ARHGEF18: variants seen among roughly 807,000 people sequenced by gnomAD.
The protein encoded by ARHGEF18 is Rho/Rac guanine nucleotide exchange factor 18.
Under a neutral mutation model 155.7 loss-of-function variants are expected in ARHGEF18, and 93 were observed. The ratio of observed to expected loss-of-function variants is 0.60; its 90% CI spans 0.50 to 0.71. The LOEUF (loss-of-function observed/expected upper bound fraction) is 0.71, where lower values mean the gene tolerates loss of function less well. ARHGEF18 is among the 30% of genes least tolerant of loss of function. The pLI is 0.00. For synonymous variants in ARHGEF18, 742 were observed against 753.1 expected, an observed-to-expected ratio of 0.99 and a Z score of 0.24; for missense variants, 1,593 against 1,816.1, an observed-to-expected ratio of 0.88 and a Z score of 2.23.
Position 7,440,055 on chromosome 19 carries a change from G to A in ARHGEF18, c.968-289G>A, listed in dbSNP as rs1363309326. ...GATCCCACCGAGGCATAAAAACGGC[G>A]CAGCCCAGCCTGGCGCCGCGCCGGG... On this transcript the variant is annotated intron_variant, in intron 10 of 28. Coordinates refer to ENST00000668164, the MANE Select transcript of ARHGEF18 (RefSeq NM_001367823.1). The surrounding 1 kb of genome is among the most constrained non-coding windows in gnomAD (Gnocchi z 5.4). 1 of 1,550,682 alleles carries A rather than the reference G, an allele frequency of 6.4e-7. No homozygotes were observed. The highest frequency in any genetic ancestry group is 2.0e-5 in the Admixed American group (1 of 50,978).
intron 7 of ARHGEF18, among the ~76,000 whole-genome samples, chr19:7,379,871 C>T (rs1970641669): frequency 6.6e-6 from 1 of 152,018 alleles, no homozygotes; most frequent in Non-Finnish European, 1.5e-5. Flanking sequence ...CTACAAAAAA[C>T]ATTTAAAAAT....
chr19:7,473,723 T>G (rs753415548), downstream of ARHGEF18, among the ~76,000 whole-genome samples: 9 of 141,666 alleles, frequency 6.4e-5, no homozygotes, highest in Non-Finnish European at 1.4e-4. Flanking sequence ...AGCAGGAGAA[T>G]GGCGTGAACC....
At chr19:7,411,319 C>A (rs1423297775) in intron 10 of ARHGEF18, among the ~76,000 whole-genome samples, 1 of 127,950 alleles carries the variant, frequency 7.8e-6, no homozygotes, top group African/African-American at 3.0e-5. Context: ...TTTTCTATTT[C>A]TTTTCTTGAC....
At chr19:7,426,486 CAAAAAA>C (rs760020542) in intron 10 of ARHGEF18, among the ~76,000 whole-genome samples, 4 of 100,778 alleles carry the variant, frequency 4.0e-5, no homozygotes, top group East Asian at 2.4e-4. Context: ...GACTCTGTCT[CAAAAAA>C]AAAAAAAAAA....
intron 20 of ARHGEF18, among the ~76,000 whole-genome samples, 158 bp from the exon 21 acceptor site, chr19:7,461,994 A>G (rs1049028544): frequency 6.6e-5 from 10 of 152,166 alleles, no homozygotes; most frequent in African/African-American, 2.4e-4. Flanking sequence ...GGACAAGGCC[A>G]TGCCCTCCCC....
At position 7,470,054 on chromosome 19, in the gene ARHGEF18, G is replaced by A. The variant is rs748803055; in HGVS notation, c.3913+25G>A. 26 of 1,611,840 alleles carry A rather than the reference G, an allele frequency of 1.6e-5. No individual in the cohort carries two copies. The South Asian group carries it at 2.6e-4, about 16-fold the overall frequency. ...GGTGAGCCCCCACCCCCTGACATGA[G>A]CCCAGTCCCAGGGCAGCGGGGCTGC... On this transcript the variant is annotated intron_variant, in intron 28 of 28. Coordinates refer to ENST00000668164, the MANE Select transcript of ARHGEF18 (RefSeq NM_001367823.1). The surrounding 1 kb of genome is among the most constrained non-coding windows in gnomAD (Gnocchi z 5.9).
intron 10 of ARHGEF18, among the ~76,000 whole-genome samples, chr19:7,426,628 T>G (rs1973683606): frequency 6.6e-6 from 1 of 152,282 alleles, no homozygotes; most frequent in African/African-American, 2.4e-5. Flanking sequence ...CCACCTCAGT[T>G]TTCCCCTTAT....
intron 10 of ARHGEF18, among the ~76,000 whole-genome samples, chr19:7,391,734 A>AT (rs1815657470): frequency 6.6e-6 from 1 of 151,714 alleles, no homozygotes. Flanking sequence ...ATCTGGAGGC[A>AT]TTTTTTTCAG....
intron 6 of ARHGEF18, among the ~76,000 whole-genome samples, chr19:7,378,735 C>T (rs1970587175): frequency 2.1e-5 from 3 of 144,944 alleles, no homozygotes; most frequent in Non-Finnish European, 4.5e-5. Context: ...CTCTGTCACC[C>T]AGGCTGGAGT....
intron 3 of ARHGEF18, among the ~76,000 whole-genome samples, chr19:7,373,710 A>G: frequency 6.6e-6 from 1 of 151,388 alleles, no homozygotes; most frequent in Non-Finnish European, 1.5e-5. Context: ...TCCTGACTTC[A>G]TGATCTGCCT....
At chr19:7,408,992 C>G (rs987231385) in intron 10 of ARHGEF18, among the ~76,000 whole-genome samples, 1 of 150,862 alleles carries the variant, frequency 6.6e-6, no homozygotes, top group Non-Finnish European at 1.5e-5. Flanking sequence ...TCCAGGAGTT[C>G]GAGACTGCAG....
chr19:7,438,997 G>A (rs939148489), intron 10 of ARHGEF18, among the ~76,000 whole-genome samples: 4 of 151,912 alleles, frequency 2.6e-5, no homozygotes, highest in African/African-American at 4.8e-5. Context: ...TCAGCCTCCC[G>A]AGTAGCTGAG....
intron 2 of ARHGEF18, among the ~76,000 whole-genome samples, chr19:7,371,649 C>G (rs530046686): frequency 2.6e-5 from 4 of 151,940 alleles, no homozygotes; most frequent in Non-Finnish European, 5.9e-5. Context: ...TGTGAAACAC[C>G]ATCTCCACTA....
chr19:7,383,206 A>G lies in ARHGEF18; in HGVS notation c.967+3A>G. 1 of 1,232,332 alleles carries G rather than the reference A, an allele frequency of 8.1e-7. No individual in the cohort carries two copies. Among genetic ancestry groups the G allele is most frequent in the Non-Finnish European group, 1.0e-6 (1 of 988,154 alleles). The allele number at this position is 1,232,332 out of a possible 1,614,324, so 76.3% of individuals were successfully genotyped here. On this transcript the variant is annotated splice_donor_region_variant and intron_variant, in intron 10 of 28. Coordinates refer to ENST00000668164, the MANE Select transcript of ARHGEF18 (RefSeq NM_001367823.1). ...TGGCAAACCTTTCTTGAGCTCAGGT[A>G]AGTCTGGTGGCCCAATCCATCCTCC...
At chr19:7,438,235 A>C (rs1383553419) in intron 10 of ARHGEF18, among the ~76,000 whole-genome samples, 1 of 144,438 alleles carries the variant, frequency 6.9e-6, no homozygotes, top group African/African-American at 2.6e-5. Context: ...CGAGTAGCTG[A>C]GACTACAGGC....
At chr19:7,467,783 G>A (rs1976753600) in intron 26 of ARHGEF18, 99 bp downstream of exon 26, 1 of 1,212,364 alleles carries the variant, frequency 8.2e-7, no homozygotes, top group Non-Finnish European at 1.1e-6. Context: ...GGGTGCATGC[G>A]TGCAGGAGTG....
intron 14 of ARHGEF18, among the ~76,000 whole-genome samples, chr19:7,445,786 A>AT (rs956477024): frequency 7.9e-5 from 12 of 151,392 alleles, no homozygotes; most frequent in East Asian, 2.0e-4. Flanking sequence ...CACCCGGCTA[A>AT]TTTTTTTTGT....
rs763916488 is a variant in ARHGEF18 at position 7,462,280 on chromosome 19, G to A, written c.2581G>A (p.Asp861Asn). 17 of 1,613,084 alleles carry A rather than the reference G, an allele frequency of 1.1e-5. No homozygotes were observed. The South Asian group carries it at 1.9e-4, about 18-fold the overall frequency. Reference protein sequence around the residue: ...PQPRGLFRGGDPSETLQGELI... With the variant: ...PQPRGLFRGGNPSETLQGELI... ...GCCCCGAGGCCTATTCCGTGGAGGG[G>A]ACCCATCCGAGACCCTGCAGGGGGA... The change falls in exon 21 of 29, where the codon GAC (aspartate) becomes AAC (asparagine). Residue 861 changes from aspartate (D) to asparagine (N), a missense_variant. Coordinates refer to ENST00000668164, the MANE Select transcript of ARHGEF18 (RefSeq NM_001367823.1). The surrounding 1 kb of genome is among the most constrained non-coding windows in gnomAD (Gnocchi z 4.4).
rs1160344383 is a variant in ARHGEF18, at chr19:7,385,476, T to TATA, written c.967+2275_967+2276insAAT. 2.7e-5 allele frequency among the ~76,000 whole-genome samples: 4 copies of TATA among 145,656 alleles called. No homozygotes were observed. The South Asian group carries it at 8.5e-4, about 31-fold the overall frequency. On this transcript the variant is annotated intron_variant, in intron 10 of 28. Transcript: ENST00000668164. ...TTATTATTATTATTATTATTATTAT[T>TATA]ATTATTATTATTATTTTGAGACGGA...
Sources: gnomAD v4.1 joint callset for allele counts (sites outside exome capture counted in the v4.1 genomes callset) on GRCh38, gnomAD v4.1.1 for gene constraint, Gnocchi (gnomAD v3.1) non-coding constraint, MANE v1.5 for transcripts, NCBI Gene and HGNC (gene_info 2026-07-23, HGNC 2026-07-21) for gene names.